The following WDR41 variants were observed in gnomAD, a reference collection of about 807,000 sequenced individuals.
WDR41 encodes the protein WD repeat domain 41.
In WDR41, 63 loss-of-function variants were observed where a neutral mutation model predicts 69.3. The observed-to-expected ratio is 0.91, with a 90% CI of 0.74 to 1.12. WDR41 has a LOEUF of 1.12. Ranked by LOEUF, WDR41 falls within the 50% of genes most tolerant of loss-of-function variation. The pLI is 0.00. For synonymous variants in WDR41, 185 were observed against 192.1 expected (o/e 0.96, Z 0.31); for missense variants, 543 against 534.5 (o/e 1.02, Z -0.16).
chr5:77,468,114 A>C (rs1232644922), intron 2 of WDR41, among the ~76,000 whole-genome samples: 1 of 152,140 alleles, frequency 6.6e-6, no homozygotes, highest in Non-Finnish European at 1.5e-5. Context: ...AAACAAGTTC[A>C]ACAAGGTGAA....
intron 1 of WDR41, among the ~76,000 whole-genome samples, chr5:77,578,277 A>G (rs929412975): frequency 3.3e-5 from 5 of 152,186 alleles, no homozygotes; most frequent in African/African-American, 1.2e-4. Context: ...AACAGGCTTA[A>G]CACTGTAGGG....
At chr5:77,510,809 T>G (rs889523860) in intron 1 of WDR41, among the ~76,000 whole-genome samples, 1 of 138,274 alleles carries the variant, frequency 7.2e-6, no homozygotes. Context: ...TCTCACTCCA[T>G]CTCCCAGGCT....
At chr5:77,612,902 C>G (rs1426800110) in intron 1 of WDR41, among the ~76,000 whole-genome samples, 1 of 151,968 alleles carries the variant, frequency 6.6e-6, no homozygotes, top group Non-Finnish European at 1.5e-5. Context: ...ACCCCATCGT[C>G]TCAGCCCAAA....
chr5:77,599,161 G>A (rs1437331995), intron 1 of WDR41, among the ~76,000 whole-genome samples: 1 of 142,078 alleles, frequency 7.0e-6, no homozygotes, highest in African/African-American at 2.6e-5. Flanking sequence ...TCTACTCCAT[G>A]CATTTACAAT....
chr5:77,516,698 C>T (rs1802295876), intron 1 of WDR41, among the ~76,000 whole-genome samples: 1 of 152,136 alleles, frequency 6.6e-6, no homozygotes, highest in Non-Finnish European at 1.5e-5. Context: ...AAAGAAGAGG[C>T]AAATTGTGTG....
intron 1 of WDR41, among the ~76,000 whole-genome samples, chr5:77,560,643 C>T (rs974174164): frequency 2.0e-5 from 3 of 151,944 alleles, no homozygotes; most frequent in Non-Finnish European, 2.9e-5. Flanking sequence ...AAGTCCTTTG[C>T]GCCGATTTCT....
Position 77,489,461 on chromosome 5 carries a change from A to G in WDR41, c.163T>C (p.Tyr55His). The G allele has an allele frequency of 6.3e-7, 1 of 1,587,732 alleles. No homozygotes were observed. Among genetic ancestry groups the G allele is most frequent in the South Asian group, 1.2e-5 (1 of 86,620 alleles). Reference sequence around the variant, plus strand: ...TAGACCACTATAGCTTCTTACCTGTAGTCATCTAACTGTACCAGAAATCGT... The same window carrying G: ...TAGACCACTATAGCTTCTTACCTGTGGTCATCTAACTGTACCAGAAATCGT... ...IVRFLVQLDD[Y>H]RFASAGDDGI... Residue 55 changes from tyrosine (Y) to histidine (H), a missense_variant, in exon 2 of 13, where the codon TAC (tyrosine) becomes CAC (histidine). Coordinates refer to ENST00000296679, the MANE Select transcript of WDR41 (RefSeq NM_018268.4).
At chr5:77,451,246 C>A (rs1375002172) in intron 7 of WDR41, 45 bp downstream of exon 7, 3 of 1,579,210 alleles carry the variant, frequency 1.9e-6, no homozygotes, top group Non-Finnish European at 2.6e-6. Flanking sequence ...CATGTGTATA[C>A]AATTCTCGTT....
chr5:77,573,699 G>A (rs1743773966), intron 1 of WDR41, among the ~76,000 whole-genome samples: 1 of 152,158 alleles, frequency 6.6e-6, no homozygotes, highest in Admixed American at 6.5e-5. Flanking sequence ...GGAGAGATGA[G>A]GAGGGGGAAG....
intron 1 of WDR41, among the ~76,000 whole-genome samples, chr5:77,556,990 G>A (rs74670036): frequency 6.6e-6 from 1 of 152,070 alleles, no homozygotes; most frequent in African/African-American, 2.4e-5. Context: ...AGGGGGAGGG[G>A]TGGAGCCTGA....
At chr5:77,463,676 T>A (rs4307073) in intron 3 of WDR41, among the ~76,000 whole-genome samples, 49,952 of 151,902 alleles carry the variant, frequency 0.33, 8,312 homozygotes, top group East Asian at 0.36. Context: ...ATATATCCAC[T>A]CATTTATTAA....
At chr5:77,497,653 T>C (rs1166044500) in intron 1 of WDR41, among the ~76,000 whole-genome samples, 1 of 148,154 alleles carries the variant, frequency 6.7e-6, no homozygotes, top group Non-Finnish European at 1.5e-5. Flanking sequence ...TTAATAGAAA[T>C]GTAAAATGGA....
rs1799135778 is a variant in WDR41, at chr5:77,440,947, C to A, written c.748G>T (p.Ala250Ser). Residue 250 changes from alanine to serine, a missense_variant, in exon 9 of 13, where the codon GCC becomes TCC. Coordinates refer to ENST00000296679, the MANE Select transcript of WDR41 (RefSeq NM_018268.4). ...TAGGCCTGCATGGTCCAGTCCAGGG[C>A]ATCCCAGATGATCAGCTCTCCGACG... The part of the protein sequence containing the change: ...SHVGELIIWD[A>S]LDWTMQAYER... 1 of 1,614,104 alleles carries A rather than the reference C, an allele frequency of 6.2e-7. No individual in the cohort carries two copies. Among genetic ancestry groups the A allele is most frequent in the Non-Finnish European group, 8.5e-7 (1 of 1,180,012 alleles).
At chr5:77,610,204 G>C (rs141670205) in intron 1 of WDR41, among the ~76,000 whole-genome samples, 3 of 152,228 alleles carry the variant, frequency 2.0e-5, no homozygotes, top group African/African-American at 7.2e-5. Flanking sequence ...AAGTTATGGG[G>C]AGAATGGAAC....
At chr5:77,457,562 A>C (rs149770588) in intron 5 of WDR41, among the ~76,000 whole-genome samples, 328 of 152,268 alleles carry the variant, frequency 2.2e-3, no homozygotes, top group African/African-American at 7.6e-3. Context: ...GGATTAATGC[A>C]TATAATAATT....
intron 5 of WDR41, among the ~76,000 whole-genome samples, chr5:77,458,253 T>G (rs1799910597): frequency 6.6e-6 from 1 of 152,136 alleles, no homozygotes; most frequent in Admixed American, 6.6e-5. Flanking sequence ...GTTGATATTT[T>G]GAACAGCACA....
rs527866974 is a variant in WDR41 at position 77,607,967 on chromosome 5, A to C, written c.42+12512T>G. 5.6e-4 allele frequency among the ~76,000 whole-genome samples: 85 copies of C among 152,318 alleles called. 1 individual carries two copies. Among genetic ancestry groups the C allele is most frequent in the Non-Finnish European group, 6.9e-4 (47 of 68,028 alleles). ...TTTTTTATGTGGTAAAATATGCATA[A>C]AATAAAATTTACCACCTTATGTATT... is the stretch of plus-strand genomic sequence containing the variant. On this transcript the variant is annotated intron_variant, in intron 1 of 5. Transcript: ENST00000509971.
intron 2 of WDR41, among the ~76,000 whole-genome samples, chr5:77,482,014 G>A (rs371704016): frequency 6.6e-6 from 1 of 152,130 alleles, no homozygotes; most frequent in African/African-American, 2.4e-5. Flanking sequence ...CTTTTAAATT[G>A]GCATTTTTAT....
At chr5:77,512,889 C>T (rs910676385) in intron 1 of WDR41, among the ~76,000 whole-genome samples, 1 of 151,934 alleles carries the variant, frequency 6.6e-6, no homozygotes, top group African/African-American at 2.4e-5. Flanking sequence ...ATTCTTCTTA[C>T]AAGTTAAACC....
Sources: gnomAD v4.1 joint callset for allele counts (sites outside exome capture counted in the v4.1 genomes callset) on GRCh38, gnomAD v4.1.1 for gene constraint, MANE v1.5 for transcripts, NCBI Gene and HGNC (gene_info 2026-07-23, HGNC 2026-07-21) for gene names.